The following CNTN4 variants were observed in gnomAD, a reference collection of about 807,000 sequenced individuals.
CNTN4 encodes contactin-4.
In CNTN4, 77 loss-of-function variants were observed where a neutral mutation model predicts 122.5. That is an observed-to-expected ratio of 0.63 (90% CI 0.52 to 0.76). CNTN4 has a LOEUF of 0.76. CNTN4 is among the 30% of genes least tolerant of loss of function. The probability of loss-of-function intolerance (pLI) is 0.00; values close to 1 mark genes in which losing one functional copy is unlikely to be tolerated. For missense variants in CNTN4, 1,256 were observed against 1,259.1 expected, an observed-to-expected ratio of 1.00 and a Z score of 0.04; for synonymous variants, 512 against 447.0, an observed-to-expected ratio of 1.15 and a Z score of -1.83.
At chr3:2,312,068 C>A (rs563658379) in intron 2 of CNTN4, among the ~76,000 whole-genome samples, 1 of 151,742 alleles carries the variant, frequency 6.6e-6, no homozygotes, top group Non-Finnish European at 1.5e-5. Context: ...AAAAATGGCA[C>A]TTTGGGAGGT....
In CNTN4 at chr3:2,121,661, A is replaced by G. The variant is rs368902922; in HGVS notation, c.-145+21022A>G. ...AATTTGTCAGAGTTTCCATTTCACA[A>G]TCTGAAGAACTGAAGTGTACAACCT... is the stretch of plus-strand genomic sequence containing the variant. On this transcript the variant is annotated intron_variant, in intron 2 of 24. Coordinates refer to ENST00000418658, the MANE Select transcript of CNTN4 (RefSeq NM_175607.3). 8.5e-5 allele frequency among the ~76,000 whole-genome samples: 13 copies of G among 152,308 alleles called. No individual in the cohort carries two copies. The East Asian group carries it at 1.2e-3, about 14-fold the overall frequency.
chr3:2,756,656 A>G (rs2090351210), intron 6 of CNTN4, among the ~76,000 whole-genome samples: 1 of 152,186 alleles, frequency 6.6e-6, no homozygotes, highest in Non-Finnish European at 1.5e-5. Context: ...ACCCAGATGG[A>G]CCATAAATTC....
At chr3:2,837,280 T>G (rs1236929505) in intron 7 of CNTN4, among the ~76,000 whole-genome samples, 1 of 152,192 alleles carries the variant, frequency 6.6e-6, no homozygotes, top group Non-Finnish European at 1.5e-5. Flanking sequence ...CATGGACACA[T>G]TGGTCTCCTG....
chr3:3,056,379 C>A lies in CNTN4; in HGVS notation c.*159C>A. 1 of 620,988 alleles carries A rather than the reference C, an allele frequency of 1.6e-6. No homozygotes were observed. Among genetic ancestry groups the A allele is most frequent in the South Asian group, 1.8e-5 (1 of 54,598 alleles). The allele number at this position is 620,988 out of a possible 1,614,324, so 38.5% of individuals were successfully genotyped here. A position where few individuals can be genotyped will look rare whatever the true frequency, so the allele number is the denominator to read the frequency against. ...TTAGGAATGGCATTATACAGTACTTCCTCAAAGCAAATCTAGCTTTGTCTG... is the reference window on the plus strand; with the variant it reads ...TTAGGAATGGCATTATACAGTACTTACTCAAAGCAAATCTAGCTTTGTCTG... On this transcript the variant is annotated 3_prime_UTR_variant, in exon 25 of 25. Transcript: ENST00000418658.
intron 3 of CNTN4, among the ~76,000 whole-genome samples, chr3:2,457,830 T>C (rs2049056580): frequency 6.6e-6 from 1 of 152,174 alleles, no homozygotes; most frequent in South Asian, 2.1e-4. Flanking sequence ...ACATCCCAAG[T>C]GTGAGATCCT....
At chr3:2,156,042 C>T (rs2035703187) in intron 2 of CNTN4, among the ~76,000 whole-genome samples, 1 of 152,112 alleles carries the variant, frequency 6.6e-6, no homozygotes, top group African/African-American at 2.4e-5. Context: ...AGAATCACTC[C>T]CCTTAGAATC....
intron 4 of CNTN4, among the ~76,000 whole-genome samples, chr3:2,710,004 G>A (rs111940636): frequency 2.0e-4 from 31 of 152,170 alleles, no homozygotes; most frequent in African/African-American, 3.6e-4. Flanking sequence ...TTAAATTGTC[G>A]CTCTATAGAT....
At chr3:2,980,662 C>G (rs1370797248) in intron 13 of CNTN4, among the ~76,000 whole-genome samples, 2 of 152,146 alleles carry the variant, frequency 1.3e-5, no homozygotes, top group Non-Finnish European at 2.9e-5. Context: ...CGGGCACACA[C>G]AAGGAGTGAG....
chr3:2,938,480 A>G (rs960499373), intron 13 of CNTN4, among the ~76,000 whole-genome samples: 2 of 152,204 alleles, frequency 1.3e-5, no homozygotes, highest in African/African-American at 4.8e-5. Context: ...ACCTTACTTA[A>G]GGTTGCAAAG....
At chr3:2,529,509 T>C (rs2077518752) in intron 3 of CNTN4, among the ~76,000 whole-genome samples, 2 of 152,300 alleles carry the variant, frequency 1.3e-5, no homozygotes, top group South Asian at 4.1e-4. Flanking sequence ...ACTTTCATAT[T>C]TGTATGGAGT....
intron 3 of CNTN4, among the ~76,000 whole-genome samples, chr3:2,426,275 G>A (rs953072335): frequency 2.0e-5 from 3 of 152,162 alleles, no homozygotes; most frequent in Admixed American, 2.0e-4. Context: ...TTTTTAGCAT[G>A]AACGGCTGTT....
At chr3:2,864,071 C>G (rs977103497) in intron 7 of CNTN4, among the ~76,000 whole-genome samples, 1 of 152,150 alleles carries the variant, frequency 6.6e-6, no homozygotes, top group Non-Finnish European at 1.5e-5. Context: ...AAAGTTTTTA[C>G]TTCTATAATG....
intron 12 of CNTN4, among the ~76,000 whole-genome samples, chr3:2,909,279 T>C (rs915609662): frequency 6.6e-6 from 1 of 152,156 alleles, no homozygotes; most frequent in Non-Finnish European, 1.5e-5. Flanking sequence ...CAAAAGCAAA[T>C]TTGGTGTCTT....
intron 4 of CNTN4, among the ~76,000 whole-genome samples, chr3:2,711,018 G>A (rs2087114921): frequency 6.6e-6 from 1 of 152,178 alleles, no homozygotes; most frequent in Non-Finnish European, 1.5e-5. Context: ...AGTGGAATTG[G>A]GAATTGGATT....
intron 4 of CNTN4, among the ~76,000 whole-genome samples, chr3:2,664,923 T>C (rs151169946): frequency 7.7e-4 from 117 of 152,316 alleles, no homozygotes; most frequent in African/African-American, 2.8e-3. Context: ...TTCATTAATA[T>C]TTAATTGTCT....
chr3:2,320,194 A>T (rs1162865957), intron 2 of CNTN4, among the ~76,000 whole-genome samples: 1 of 152,160 alleles, frequency 6.6e-6, no homozygotes. Flanking sequence ...CATGTTTAGA[A>T]TGAGAAGTGG....
At chr3:2,478,410 T>TG (rs954859778) in intron 3 of CNTN4, among the ~76,000 whole-genome samples, 5 of 123,714 alleles carry the variant, frequency 4.0e-5, no homozygotes, top group Non-Finnish European at 4.9e-5. Context: ...ATCTGTTTGT[T>TG]TTTTTTTTTT....
At chr3:2,395,920 AACT>A (rs1251992718) in intron 3 of CNTN4, among the ~76,000 whole-genome samples, 3 of 152,178 alleles carry the variant, frequency 2.0e-5, no homozygotes, top group Non-Finnish European at 2.9e-5. Flanking sequence ...GTGTTGAAGA[AACT>A]ACTACATGTG....
intron 2 of CNTN4, among the ~76,000 whole-genome samples, chr3:2,189,576 T>A (rs557394887): frequency 6.6e-6 from 1 of 152,038 alleles, no homozygotes; most frequent in Non-Finnish European, 1.5e-5. Flanking sequence ...GAGAGAGGAG[T>A]CAGCCAAGGC....
Sources: allele counts gnomAD v4.1 joint callset (sites outside exome capture counted in the v4.1 genomes callset), GRCh38; gene constraint gnomAD v4.1.1; transcripts MANE v1.5; gene names NCBI Gene and HGNC (gene_info 2026-07-23, HGNC 2026-07-21).